Variants in STXBP5L observed in about 807,000 individuals in gnomAD.
STXBP5L encodes syntaxin-binding protein 5-like.
Under a neutral mutation model 144.5 loss-of-function variants are expected in STXBP5L, and 65 were observed. The ratio of observed to expected loss-of-function variants is 0.45; its 90% CI spans 0.37 to 0.55. The LOEUF (loss-of-function observed/expected upper bound fraction) is 0.55, where lower values mean the gene tolerates loss of function less well. Ranked by LOEUF, STXBP5L falls within the 20% of genes least tolerant of loss-of-function variation. STXBP5L has a pLI of 0.00. For synonymous variants in STXBP5L, 505 were observed against 469.6 expected (o/e 1.08, Z -0.97); for missense variants, 1,298 against 1,405.5 (o/e 0.92, Z 1.22).
At chr3:121,110,529 T>A (rs2043932266) in intron 5 of STXBP5L, among the ~76,000 whole-genome samples, 1 of 152,202 alleles carries the variant, frequency 6.6e-6, no homozygotes, top group Non-Finnish European at 1.5e-5. Flanking sequence ...GAGTATTCTT[T>A]GCTTTAAAAT....
At chr3:120,983,828 T>A (rs1488526455) in intron 3 of STXBP5L, among the ~76,000 whole-genome samples, 1 of 152,224 alleles carries the variant, frequency 6.6e-6, no homozygotes, top group African/African-American at 2.4e-5. Context: ...TCTGTTGAAT[T>A]CCAGTGTTCT....
chr3:121,138,631 C>T (rs376188218), intron 7 of STXBP5L, among the ~76,000 whole-genome samples: 1 of 151,960 alleles, frequency 6.6e-6, no homozygotes, highest in East Asian at 1.9e-4. Flanking sequence ...TGATTTTTGA[C>T]AAATGTGCCA....
At chr3:121,094,050 A>C (rs1368952249) in intron 5 of STXBP5L, among the ~76,000 whole-genome samples, 1 of 152,148 alleles carries the variant, frequency 6.6e-6, no homozygotes, top group Non-Finnish European at 1.5e-5. Flanking sequence ...ATTCAGGAGC[A>C]GGTTGTTCAA....
At chr3:120,988,979 G>T (rs184150629) in intron 3 of STXBP5L, among the ~76,000 whole-genome samples, 8 of 151,886 alleles carry the variant, frequency 5.3e-5, no homozygotes, top group Non-Finnish European at 7.4e-5. Flanking sequence ...CCTTGTTTTT[G>T]CAAAAGACAT....
chr3:121,408,020 G>A (rs915708621), intron 23 of STXBP5L, among the ~76,000 whole-genome samples: 1 of 151,922 alleles, frequency 6.6e-6, no homozygotes, highest in African/African-American at 2.4e-5. Context: ...TTTACATACA[G>A]AGTTTCATTT....
chr3:121,087,980 T>C (rs925871675), intron 5 of STXBP5L, among the ~76,000 whole-genome samples: 9 of 152,140 alleles, frequency 5.9e-5, no homozygotes, highest in African/African-American at 2.2e-4. Flanking sequence ...TATAATAAAT[T>C]TTATTGTTTT....
intron 5 of STXBP5L, among the ~76,000 whole-genome samples, chr3:121,096,965 C>T (rs185840916): frequency 7.8e-4 from 119 of 152,316 alleles, no homozygotes; most frequent in Admixed American, 3.7e-3. Context: ...CCCCGAGGTG[C>T]TCTGTCCCAG....
intron 7 of STXBP5L, among the ~76,000 whole-genome samples, chr3:121,136,994 C>T (rs531878430): frequency 1.3e-4 from 20 of 152,222 alleles, no homozygotes; most frequent in African/African-American, 4.6e-4. Context: ...ACCAAATACT[C>T]CATGTGCTCC....
In STXBP5L at chr3:121,029,921, G is replaced by T. The variant is rs149651754; in HGVS notation, c.288-11779G>T. 1.4e-4 allele frequency among the ~76,000 whole-genome samples: 21 copies of T among 152,052 alleles called. No individual in the cohort carries two copies. In the East Asian group the frequency reaches 3.7e-3, roughly 27 times the overall value. On this transcript the variant is annotated intron_variant, in intron 3 of 26. Coordinates refer to ENST00000471454, the MANE Select transcript of STXBP5L (RefSeq NM_001308330.2). ...ACATTTATGAGGCCCACATACATATGAAAAAAAGCTCATCATCGCTGGTCA... is the reference window on the plus strand; with the variant it reads ...ACATTTATGAGGCCCACATACATATTAAAAAAAGCTCATCATCGCTGGTCA...
chr3:121,021,676 C>T (rs1252263839), intron 3 of STXBP5L, among the ~76,000 whole-genome samples: 3 of 152,062 alleles, frequency 2.0e-5, no homozygotes, highest in South Asian at 4.1e-4. Context: ...GCTGGGTCAA[C>T]AATGAAATCA....
chr3:121,320,401 C>A (rs987999604), intron 20 of STXBP5L, among the ~76,000 whole-genome samples: 3 of 151,576 alleles, frequency 2.0e-5, no homozygotes, highest in Non-Finnish European at 4.4e-5. Flanking sequence ...TGGTAAAATT[C>A]TTTTGGATTA....
intron 10 of STXBP5L, among the ~76,000 whole-genome samples, chr3:121,218,322 T>C (rs1469532533): frequency 6.9e-6 from 1 of 144,046 alleles, no homozygotes; most frequent in Non-Finnish European, 1.5e-5. Context: ...TATTACTATA[T>C]ACTACTAGCT....
At chr3:121,173,949 G>T (rs1224787676) in intron 9 of STXBP5L, among the ~76,000 whole-genome samples, 1 of 152,010 alleles carries the variant, frequency 6.6e-6, no homozygotes, top group Non-Finnish European at 1.5e-5. Context: ...CACTAAACAT[G>T]ATGAAAAATA....
chr3:120,993,481 G>T (rs1224050164), intron 3 of STXBP5L, among the ~76,000 whole-genome samples: 1 of 151,950 alleles, frequency 6.6e-6, no homozygotes, highest in East Asian at 1.9e-4. Context: ...GTTGAGTTTT[G>T]CGTATTCTGA....
At chr3:121,368,065 C>A (rs1474520734) in intron 20 of STXBP5L, among the ~76,000 whole-genome samples, 1 of 151,878 alleles carries the variant, frequency 6.6e-6, no homozygotes, top group Non-Finnish European at 1.5e-5. Context: ...AATATTTTCT[C>A]TGCCCCTTTC....
At chr3:120,926,211 A>G (rs1252629506) in intron 2 of STXBP5L, among the ~76,000 whole-genome samples, 3 of 152,012 alleles carry the variant, frequency 2.0e-5, no homozygotes, top group Non-Finnish European at 4.4e-5. Context: ...TAAATTTTAG[A>G]TGGAAGAACT....
chr3:121,028,380 G>T lies in STXBP5L; in HGVS notation c.288-13320G>T, dbSNP rs931855747. 2.0e-5 allele frequency among the ~76,000 whole-genome samples: 3 copies of T among 152,074 alleles called. No individual in the cohort carries two copies. The South Asian group carries it at 6.2e-4, about 32-fold the overall frequency. On this transcript the variant is annotated intron_variant, in intron 3 of 26. Coordinates refer to ENST00000471454, the MANE Select transcript of STXBP5L (RefSeq NM_001308330.2). Reference sequence around the variant, plus strand: ...TTAATTGGTACTCTATAACTTGCTTGATCAATGGCTGTAAGTTACTAGAAT... The same window carrying T: ...TTAATTGGTACTCTATAACTTGCTTTATCAATGGCTGTAAGTTACTAGAAT...
At chr3:121,366,777 A>G (rs2045874914) in intron 20 of STXBP5L, among the ~76,000 whole-genome samples, 1 of 151,890 alleles carries the variant, frequency 6.6e-6, no homozygotes, top group Non-Finnish European at 1.5e-5. Flanking sequence ...CTGTTATTTT[A>G]TGATTTCTCT....
At chr3:121,013,047 A>G (rs1576660625) in intron 3 of STXBP5L, among the ~76,000 whole-genome samples, 2 of 151,516 alleles carry the variant, frequency 1.3e-5, no homozygotes, top group Non-Finnish European at 2.9e-5. Context: ...TTATGGCTTC[A>G]TAGTATTGCA....
Sources: allele counts gnomAD v4.1 joint callset (sites outside exome capture counted in the v4.1 genomes callset), GRCh38; gene constraint gnomAD v4.1.1; transcripts MANE v1.5; gene names NCBI Gene and HGNC (gene_info 2026-07-23, HGNC 2026-07-21).